ASTN2: variants seen among roughly 807,000 people sequenced by gnomAD.
ASTN2 encodes astrotactin-2.
A neutral mutation model predicts 139.8 loss-of-function variants in ASTN2; 54 were observed. The ratio of observed to expected loss-of-function variants is 0.39; its 90% CI spans 0.31 to 0.48. ASTN2 has a LOEUF of 0.48. Among genes scored for constraint, ASTN2 ranks in the 20% least tolerant of loss-of-function variants. The pLI, the probability that ASTN2 is intolerant of heterozygous loss-of-function variation, is 0.95. For missense variants in ASTN2, 1,565 were observed against 1,725.1 expected, an observed-to-expected ratio of 0.91 and a Z score of 1.64; for synonymous variants, 756 against 719.5, an observed-to-expected ratio of 1.05 and a Z score of -0.81.
intron 16 of ASTN2, among the ~76,000 whole-genome samples, chr9:116,702,751 C>A: frequency 6.6e-6 from 1 of 151,824 alleles, no homozygotes; most frequent in Non-Finnish European, 1.5e-5. Context: ...GTTGGTTAAG[C>A]CCCTCCTCCC....
chr9:116,603,221 A>G (rs1855001512), intron 19 of ASTN2, among the ~76,000 whole-genome samples: 2 of 152,188 alleles, frequency 1.3e-5, no homozygotes, highest in African/African-American at 4.8e-5. Context: ...ATAGATAGAA[A>G]AGTTGGAACT....
chr9:116,803,522 A>ATATATGTATATATATATAT (rs1554748694), intron 13 of ASTN2, among the ~76,000 whole-genome samples: 1 of 21,148 alleles, frequency 4.7e-5, no homozygotes, highest in Admixed American at 6.6e-4. Context: ...ATATATATAT[A>ATATATGTATATATATATAT]TTTTTTTTTT....
intron 10 of ASTN2, among the ~76,000 whole-genome samples, chr9:116,951,314 GCAA>G (rs1835552007): frequency 9.4e-6 from 1 of 106,854 alleles, no homozygotes; most frequent in Non-Finnish European, 1.8e-5. Context: ...TCCAGCCTGG[GCAA>G]CAAGAGTGAA....
intron 10 of ASTN2, among the ~76,000 whole-genome samples, chr9:116,931,597 A>C (rs1834899768): frequency 6.6e-6 from 1 of 152,236 alleles, no homozygotes. Flanking sequence ...CGATGCCACA[A>C]GTGATTGTTG....
At chr9:116,495,797 T>C (rs1394709373) in intron 19 of ASTN2, among the ~76,000 whole-genome samples, 1 of 152,146 alleles carries the variant, frequency 6.6e-6, no homozygotes, top group East Asian at 1.9e-4. Context: ...AAACGCTGCC[T>C]AGGGTGAGGG....
intron 10 of ASTN2, among the ~76,000 whole-genome samples, chr9:116,864,588 A>G (rs1044259570): frequency 1.3e-5 from 2 of 152,064 alleles, no homozygotes; most frequent in East Asian, 1.9e-4. Context: ...TAAGAGATAC[A>G]TTTGCTCTGG....
Position 116,683,743 on chromosome 9 carries a change from T to C in ASTN2, c.2807-31950A>G, listed in dbSNP as rs188573891. ...AAAATTTAGAGCATATTTGTTTCTC[T>C]CTACCTGATTTCTCCTGAATATGGA... On this transcript the variant is annotated intron_variant, in intron 16 of 22. Coordinates refer to ENST00000313400, the MANE Select transcript of ASTN2 (RefSeq NM_001365068.1). 1.1e-4 allele frequency among the ~76,000 whole-genome samples: 16 copies of C among 152,368 alleles called. No homozygotes were observed. The East Asian group carries it at 2.7e-3, about 26-fold the overall frequency.
At chr9:116,865,515 A>C (rs910467764) in intron 10 of ASTN2, among the ~76,000 whole-genome samples, 2 of 150,856 alleles carry the variant, frequency 1.3e-5, no homozygotes, top group Non-Finnish European at 2.9e-5. Flanking sequence ...TGCGGGTCTA[A>C]AGTATCAGTT....
At chr9:116,892,600 T>TC (rs1424842004) in intron 10 of ASTN2, among the ~76,000 whole-genome samples, 4 of 152,054 alleles carry the variant, frequency 2.6e-5, no homozygotes, top group Non-Finnish European at 5.9e-5. Context: ...ATTTTTTTTT[T>TC]CATTATAAAA....
chr9:116,838,878 AG>A (rs768485886), intron 11 of ASTN2, among the ~76,000 whole-genome samples: 7 of 152,328 alleles, frequency 4.6e-5, no homozygotes, highest in South Asian at 4.1e-4. Flanking sequence ...TGTGAATTGT[AG>A]AAAGGGGAAA....
At position 116,498,419 on chromosome 9, in the gene ASTN2, TAAAAA is replaced by T. The variant is rs146595162; in HGVS notation, c.3356-10924_3356-10920del. Among the ~76,000 whole-genome samples the T allele has an allele frequency of 3.1e-3, 454 of 148,754 alleles. 1 individual carries two copies. The highest frequency in any genetic ancestry group is 9.3e-3 in the African/African-American group (377 of 40,432). On this transcript the variant is annotated intron_variant, in intron 19 of 22. Coordinates refer to ENST00000313400, the MANE Select transcript of ASTN2 (RefSeq NM_001365068.1). ...GGACAGCATAGCAAGACCCCATCTC[TAAAAA>T]AAAACAAAAAACAAAAAACAAAAAA...
At chr9:116,460,045 T>A (rs1848440610) in intron 20 of ASTN2, among the ~76,000 whole-genome samples, 1 of 152,120 alleles carries the variant, frequency 6.6e-6, no homozygotes, top group Admixed American at 6.6e-5. Context: ...AGGTGGTATA[T>A]CTAAATAACT....
chr9:117,252,765 T>C (rs1233216641), intron 2 of ASTN2, among the ~76,000 whole-genome samples: 1 of 152,170 alleles, frequency 6.6e-6, no homozygotes, highest in African/African-American at 2.4e-5. Context: ...TGTGGGAACA[T>C]GTATTTAAAC....
At chr9:117,392,141 C>T (rs1588006966) in intron 1 of ASTN2, among the ~76,000 whole-genome samples, 3 of 152,082 alleles carry the variant, frequency 2.0e-5, no homozygotes, top group East Asian at 3.9e-4. Context: ...TTGGGAAGGC[C>T]TGACGGGGGA....
chr9:117,170,938 A>G (rs1830777381), intron 3 of ASTN2, among the ~76,000 whole-genome samples: 1 of 152,096 alleles, frequency 6.6e-6, no homozygotes, highest in South Asian at 2.1e-4. Context: ...AGATGCCTAG[A>G]TGTGTTCTGC....
intron 19 of ASTN2, among the ~76,000 whole-genome samples, chr9:116,556,245 A>G (rs1852608297): frequency 6.6e-6 from 1 of 152,168 alleles, no homozygotes; most frequent in Non-Finnish European, 1.5e-5. Flanking sequence ...GGAAAATTTT[A>G]TTTATACTTC....
chr9:116,988,038 A>G (rs912415587), intron 7 of ASTN2, among the ~76,000 whole-genome samples: 1 of 152,186 alleles, frequency 6.6e-6, no homozygotes, highest in African/African-American at 2.4e-5. Context: ...TACTTCTGGT[A>G]TTTTCCATTT....
rs560495869 is a variant in ASTN2, at chr9:116,745,975, T to A, written c.2397-12452A>T. ...CAGCAGAGATGTTTCTTTCTGGAGG[T>A]TCTAGGGGAGAGTTGACTTCCTTGC... On this transcript the variant is annotated intron_variant, in intron 13 of 22. Transcript: ENST00000313400. 6.6e-5 allele frequency among the ~76,000 whole-genome samples: 10 copies of A among 152,084 alleles called. No individual in the cohort carries two copies. In the South Asian group the frequency reaches 2.1e-3, roughly 32 times the overall value.
At chr9:116,920,793 A>G (rs1185761169) in intron 10 of ASTN2, among the ~76,000 whole-genome samples, 1 of 152,224 alleles carries the variant, frequency 6.6e-6, no homozygotes, top group African/African-American at 2.4e-5. Flanking sequence ...TTTACAGATG[A>G]ATACACTGAA....
Sources: gnomAD v4.1 joint callset for allele counts (sites outside exome capture counted in the v4.1 genomes callset) on GRCh38, gnomAD v4.1.1 for gene constraint, MANE v1.5 for transcripts, NCBI Gene and HGNC (gene_info 2026-07-23, HGNC 2026-07-21) for gene names.